DNAAF11: variants seen among roughly 807,000 people sequenced by gnomAD.
The protein encoded by DNAAF11 is dynein axonemal assembly factor 11, also known as leucine rich repeat containing 6.
A neutral mutation model predicts 60.8 loss-of-function variants in DNAAF11; 45 were observed. That is an observed-to-expected ratio of 0.74 (90% CI 0.58 to 0.95). The LOEUF is 0.95. DNAAF11 is among the 40% of genes least tolerant of loss of function. The probability of loss-of-function intolerance (pLI) is 0.00; values close to 1 mark genes in which losing one functional copy is unlikely to be tolerated. For missense variants in DNAAF11, 546 were observed against 546.2 expected (o/e 1.00, Z 0.00); for synonymous variants, 191 against 183.5 (o/e 1.04, Z -0.33).
the DNAAF11 span, among the ~76,000 whole-genome samples, chr8:132,701,238 A>G: frequency 6.6e-6 from 1 of 152,234 alleles, no homozygotes; most frequent in Non-Finnish European, 1.5e-5. Context: ...GAACAGGACA[A>G]CAAATGTTCA....
chr8:132,583,572 C>T, intron 11 of DNAAF11, 122 bp downstream of exon 11: 2 of 746,824 alleles, frequency 2.7e-6, no homozygotes, highest in Non-Finnish European at 4.6e-6. Context: ...CATTAACATT[C>T]ATGGTATGAA....
At chr8:132,699,124 G>A in the DNAAF11 span, among the ~76,000 whole-genome samples, 10 of 149,996 alleles carry the variant, frequency 6.7e-5, no homozygotes, top group Admixed American at 2.7e-4. Flanking sequence ...GTGAAACTCC[G>A]TCTCAAAAAG....
chr8:132,697,380 G>A, the DNAAF11 span, among the ~76,000 whole-genome samples: 7 of 152,152 alleles, frequency 4.6e-5, no homozygotes, highest in Admixed American at 3.3e-4. Flanking sequence ...CACTTTGGGA[G>A]GCCGAGGTGG....
chr8:132,647,970 A>G (rs1432150768), intron 3 of DNAAF11, among the ~76,000 whole-genome samples: 1 of 152,222 alleles, frequency 6.6e-6, no homozygotes, highest in African/African-American at 2.4e-5. Context: ...AACTATTCCA[A>G]TCAACAGAAG....
intron 3 of DNAAF11, among the ~76,000 whole-genome samples, chr8:132,639,710 A>G (rs974769969): frequency 6.6e-6 from 1 of 152,106 alleles, no homozygotes; most frequent in Non-Finnish European, 1.5e-5. Context: ...TCCCAAGCCA[A>G]TCTCCTCCAA....
intron 11 of DNAAF11, 48 bp downstream of exon 11, chr8:132,583,646 T>C (rs775531535): frequency 7.0e-7 from 1 of 1,434,238 alleles, no homozygotes; most frequent in Admixed American, 1.7e-5. Context: ...CAAATGACAA[T>C]GAAGAGAACA....
chr8:132,686,025 G>A, the DNAAF11 span, among the ~76,000 whole-genome samples: 1 of 152,102 alleles, frequency 6.6e-6, no homozygotes, highest in African/African-American at 2.4e-5. Context: ...AACATACAAT[G>A]AACGAGTCAA....
chr8:132,674,903 A>G (rs919194450), intron 1 of DNAAF11, among the ~76,000 whole-genome samples: 2 of 152,174 alleles, frequency 1.3e-5, no homozygotes, highest in Non-Finnish European at 2.9e-5. Context: ...AAACAAACAA[A>G]AACACGTTTA....
chr8:132,632,944 A>G lies in DNAAF11; in HGVS notation c.449T>C (p.Ile150Thr). The change falls in exon 5 of 12, where the codon ATA (isoleucine) becomes ACA (threonine). Residue 150 changes from isoleucine (I) to threonine (T), a missense_variant. Ile to Thr is a moderately conservative substitution (Grantham distance 89). Transcript: ENST00000620350. ...PQLKWLDGKE[I>T]EPSERIKALQ... is the part of the protein sequence containing the mutation. ...TGCCTTAATCCTTTCTGAAGGCTCT[A>G]TTTCTTTACCATCCAACCACTTAAA... The G allele has an allele frequency of 6.2e-7, 1 of 1,612,140 alleles. No individual in the cohort carries two copies. The highest frequency in any genetic ancestry group is 8.5e-7 in the Non-Finnish European group (1 of 1,178,584).
intron 11 of DNAAF11, among the ~76,000 whole-genome samples, chr8:132,578,968 C>T (rs1030546180): frequency 6.6e-6 from 1 of 152,234 alleles, no homozygotes; most frequent in African/African-American, 2.4e-5. Flanking sequence ...CAAAGAGCTT[C>T]TCTGAGAAGT....
chr8:132,690,721 T>A, the DNAAF11 span, among the ~76,000 whole-genome samples: 225 of 152,316 alleles, frequency 1.5e-3, no homozygotes, highest in Admixed American at 5.2e-3. Flanking sequence ...GCCATGACAG[T>A]TTCTCAGGCT....
At chr8:132,671,239 A>G (rs1055535272) in intron 1 of DNAAF11, among the ~76,000 whole-genome samples, 3 of 152,166 alleles carry the variant, frequency 2.0e-5, no homozygotes, top group Non-Finnish European at 2.9e-5. Context: ...AGAATATAAG[A>G]TCTATATGAA....
intron 3 of DNAAF11, 68 bp from the exon 4 acceptor site, chr8:132,638,175 A>G (rs1234776124): frequency 1.9e-5 from 21 of 1,124,700 alleles, no homozygotes; most frequent in African/African-American, 4.6e-5. Context: ...AAACGTGTGT[A>G]ACATCACATA....
chr8:132,593,328 C>CATAT (rs1160460984), intron 10 of DNAAF11, among the ~76,000 whole-genome samples: 84 of 67,558 alleles, frequency 1.2e-3, no homozygotes, highest in South Asian at 4.9e-3. Context: ...AGAATATATA[C>CATAT]ATACATATAT....
the DNAAF11 span, among the ~76,000 whole-genome samples, chr8:132,690,660 C>A: frequency 4.6e-5 from 7 of 152,188 alleles, no homozygotes; most frequent in Admixed American, 3.9e-4. Flanking sequence ...ATTTCAGGAT[C>A]CAACCCAGGT....
chr8:132,675,940 G>A (rs929546021), upstream of DNAAF11, among the ~76,000 whole-genome samples: 1 of 152,160 alleles, frequency 6.6e-6, no homozygotes, highest in Non-Finnish European at 1.5e-5. Context: ...TACCAGCGGC[G>A]TGACCTTACA....
At chr8:132,654,989 T>A (rs1034681992) in intron 3 of DNAAF11, among the ~76,000 whole-genome samples, 1 of 151,582 alleles carries the variant, frequency 6.6e-6, no homozygotes, top group Non-Finnish European at 1.5e-5. Context: ...TTTGAAAAGA[T>A]TGACCAAATT....
At chr8:132,658,858 A>T (rs1169410537) in intron 2 of DNAAF11, among the ~76,000 whole-genome samples, 1 of 152,118 alleles carries the variant, frequency 6.6e-6, no homozygotes, top group African/African-American at 2.4e-5. Flanking sequence ...CCCAGGGCCC[A>T]ACTTGGACAC....
At chr8:132,605,832 G>A (rs1022849763) in intron 10 of DNAAF11, among the ~76,000 whole-genome samples, 1 of 152,106 alleles carries the variant, frequency 6.6e-6, no homozygotes, top group Non-Finnish European at 1.5e-5. Flanking sequence ...AACAGCAAGT[G>A]CAAGAGTCCT....
Sources: allele counts gnomAD v4.1 joint callset (sites outside exome capture counted in the v4.1 genomes callset), GRCh38; gene constraint gnomAD v4.1.1; transcripts MANE v1.5; gene names NCBI Gene and HGNC (gene_info 2026-07-23, HGNC 2026-07-21).